PLAAT4: variants seen among roughly 807,000 people sequenced by gnomAD.
PLAAT4 encodes the protein phospholipase A and acyltransferase 4.
In PLAAT4, 12 loss-of-function variants were observed where a neutral mutation model predicts 14.1. That is an observed-to-expected ratio of 0.85 (90% CI 0.54 to 1.37). PLAAT4 has a LOEUF of 1.37. PLAAT4 is among the 40% of genes most tolerant of loss of function. The probability of loss-of-function intolerance (pLI) is 0.00; values close to 1 mark genes in which losing one functional copy is unlikely to be tolerated. For synonymous variants in PLAAT4, 77 were observed against 79.8 expected (o/e 0.96, Z 0.19); for missense variants, 163 against 211.7 (o/e 0.77, Z 1.43).
intron 1 of PLAAT4, chr11:63,538,283 T>C: frequency 3.2e-6 from 1 of 310,382 alleles, no homozygotes; most frequent in Non-Finnish European, 6.4e-6. Flanking sequence ...AGGACGGTCA[T>C]GGCCAGATGT....
intron 2 of PLAAT4, among the ~76,000 whole-genome samples, chr11:63,543,064 T>C (rs999345380): frequency 6.6e-6 from 1 of 152,260 alleles, no homozygotes; most frequent in African/African-American, 2.4e-5. Flanking sequence ...TGTTTGTTGA[T>C]GTTCACTCAT....
chr11:63,539,654 A>C (rs1003676541), intron 2 of PLAAT4, 30 bp downstream of exon 2: 19 of 1,535,938 alleles, frequency 1.2e-5, no homozygotes, highest in South Asian at 5.6e-5. Flanking sequence ...TAATTTTCAA[A>C]ATATTTGTTA....
At position 63,546,288 on chromosome 11, in the gene PLAAT4, T is replaced by C; in HGVS notation, c.*32T>C. 6 of 1,601,800 alleles carry C rather than the reference T, an allele frequency of 3.7e-6. No individual in the cohort carries two copies. Among genetic ancestry groups the C allele is most frequent in the Non-Finnish European group, 5.1e-6 (6 of 1,168,814 alleles). On this transcript the variant is annotated 3_prime_UTR_variant, in exon 4 of 4. Coordinates refer to ENST00000255688, the MANE Select transcript of PLAAT4 (RefSeq NM_004585.5). ...CACAAAATCCTGTGTTAGAAGCAGC[T>C]GTGGGGGTCCCAGTGGAGATGAGCC...
intron 3 of PLAAT4, chr11:63,545,252 G>A (rs2017355047): frequency 3.9e-6 from 2 of 510,692 alleles, no homozygotes; most frequent in Admixed American, 6.4e-5. Context: ...ACTCAGGCAA[G>A]GGACGCTCAG....
intron 2 of PLAAT4, among the ~76,000 whole-genome samples, chr11:63,543,575 G>A (rs1162298469): frequency 6.6e-6 from 1 of 152,218 alleles, no homozygotes; most frequent in Non-Finnish European, 1.5e-5. Flanking sequence ...AAAGTGCTGG[G>A]ATTACAGGCA....
chr11:63,545,891 C>T (rs1030347121), intron 3 of PLAAT4, among the ~76,000 whole-genome samples: 19 of 152,250 alleles, frequency 1.2e-4, no homozygotes, highest in Non-Finnish European at 1.6e-4. Context: ...ACCTCATGGG[C>T]CCATTCTCAG....
At chr11:63,544,553 G>T (rs968695118) in intron 2 of PLAAT4, 68 bp from the exon 3 acceptor site, 5 of 1,494,682 alleles carry the variant, frequency 3.3e-6, no homozygotes, top group Admixed American at 3.8e-5. Flanking sequence ...TAGTTCCTTA[G>T]TGGAGATTTC....
rs774415687 is a variant in PLAAT4, at chr11:63,544,799, G to T, written c.297G>T (p.Met99Ile). 2.5e-6 allele frequency: 4 copies of T among 1,614,066 alleles called. No individual in the cohort carries two copies. The highest frequency in any genetic ancestry group is 3.4e-6 in the Non-Finnish European group (4 of 1,180,046). The change falls in exon 3 of 4, where the codon ATG (methionine) becomes ATT (isoleucine). Residue 99 changes from methionine (M) to isoleucine (I), a missense_variant. Met to Ile is a conservative substitution (Grantham distance 10, BLOSUM62 1). Coordinates refer to ENST00000255688, the MANE Select transcript of PLAAT4 (RefSeq NM_004585.5). The stretch of plus-strand genomic sequence containing the variant: ...TGATCATCAGTTCTGCGAAGGAGAT[G>T]GTTGGTCAGAAGATGAAGTACAGTA... ...VEVIISSAKE[M>I]VGQKMKYSIV...
chr11:63,545,061 C>G, intron 3 of PLAAT4, 172 bp downstream of exon 3: 1 of 907,664 alleles, frequency 1.1e-6, no homozygotes, highest in South Asian at 1.5e-5. Context: ...CACAGAGGGT[C>G]TTTGGACAGT....
chr11:63,537,937 G>A (rs1036836478), intron 1 of PLAAT4, among the ~76,000 whole-genome samples: 1 of 152,178 alleles, frequency 6.6e-6, no homozygotes, highest in African/African-American at 2.4e-5. Context: ...AGCTCAACTT[G>A]ACCCCTGCAG....
chr11:63,543,874 T>G (rs1422458534), intron 2 of PLAAT4, among the ~76,000 whole-genome samples: 1 of 152,202 alleles, frequency 6.6e-6, no homozygotes, highest in African/African-American at 2.4e-5. Flanking sequence ...CCCAGTGCAG[T>G]GGAAGGAGCC....
intron 1 of PLAAT4, chr11:63,538,260 G>A (rs2017289662): frequency 3.4e-6 from 1 of 295,418 alleles, no homozygotes; most frequent in South Asian, 2.6e-5. Flanking sequence ...TGTGTCCTGG[G>A]CCCTGAGGTC....
chr11:63,542,382 A>G (rs2017328188), intron 2 of PLAAT4, among the ~76,000 whole-genome samples: 1 of 152,182 alleles, frequency 6.6e-6, no homozygotes, highest in Non-Finnish European at 1.5e-5. Flanking sequence ...TACAACTATG[A>G]AAGTCTTCAA....
At chr11:63,543,517 C>A (rs2017338069) in intron 2 of PLAAT4, among the ~76,000 whole-genome samples, 1 of 152,230 alleles carries the variant, frequency 6.6e-6, no homozygotes, top group Non-Finnish European at 1.5e-5. Context: ...GTTGTCCAGG[C>A]TGGTCTCGAA....
chr11:63,544,474 C>T lies in PLAAT4; in HGVS notation c.119-147C>T, dbSNP rs1210110504. On this transcript the variant is annotated intron_variant, in intron 2 of 3. Coordinates refer to ENST00000255688, the MANE Select transcript of PLAAT4 (RefSeq NM_004585.5). ...CAGCCTGGGCAACAGAGTGAGACTC[C>T]ATCAAAATAAAAAAAAAAAGCAAAA... The T allele has an allele frequency of 9.8e-6, 10 of 1,015,902 alleles. No individual in the cohort carries two copies. In the Admixed American group the frequency reaches 2.3e-4, roughly 23 times the overall value. 62.9% of individuals were successfully genotyped at this position (1,015,902 alleles called of 1,614,324 possible). A position where few individuals can be genotyped will look rare whatever the true frequency, so the allele number is the denominator to read the frequency against.
At chr11:63,541,270 C>T (rs2017319017) in intron 2 of PLAAT4, among the ~76,000 whole-genome samples, 1 of 151,478 alleles carries the variant, frequency 6.6e-6, no homozygotes, top group South Asian at 2.1e-4. Context: ...CAGCTCACTG[C>T]AACCTCCGCC....
chr11:63,539,454 A>C (rs2017302996), intron 1 of PLAAT4, 62 bp from the exon 2 acceptor site: 1 of 1,382,582 alleles, frequency 7.2e-7, no homozygotes, highest in African/African-American at 1.4e-5. Context: ...CAGCTCCCCC[A>C]GCCAGGGTCT....
intron 1 of PLAAT4, among the ~76,000 whole-genome samples, chr11:63,539,053 T>C (rs1197118867): frequency 1.3e-5 from 2 of 152,220 alleles, no homozygotes; most frequent in East Asian, 1.9e-4. Context: ...GAGGTGGCTC[T>C]TGGGGCCATG....
intron 2 of PLAAT4, among the ~76,000 whole-genome samples, chr11:63,543,725 A>G (rs2017340013): frequency 6.6e-6 from 1 of 152,262 alleles, no homozygotes; most frequent in Non-Finnish European, 1.5e-5. Context: ...TAATAAAAAT[A>G]AGATAACACC....
Sources: gnomAD v4.1 joint callset for allele counts (sites outside exome capture counted in the v4.1 genomes callset) on GRCh38, gnomAD v4.1.1 for gene constraint, MANE v1.5 for transcripts, NCBI Gene and HGNC (gene_info 2026-07-23, HGNC 2026-07-21) for gene names.